The following FMN1 variants were observed in gnomAD, a reference collection of about 807,000 sequenced individuals.
FMN1 encodes formin 1, also known as formin-1.
A neutral mutation model predicts 132.4 loss-of-function variants in FMN1; 110 were observed. The ratio of observed to expected loss-of-function variants is 0.83; its 90% CI spans 0.71 to 0.97. The LOEUF is 0.97. FMN1 is among the 50% of genes least tolerant of loss of function. The pLI is 0.00. For missense variants in FMN1, 1,792 were observed against 1,705.3 expected, an observed-to-expected ratio of 1.05 and a Z score of -0.90; for synonymous variants, 722 against 651.7, an observed-to-expected ratio of 1.11 and a Z score of -1.64.
chr15:32,820,308 TAACA>T (rs765253754), intron 17 of FMN1, among the ~76,000 whole-genome samples: 59 of 152,170 alleles, frequency 3.9e-4, no homozygotes, highest in Non-Finnish European at 3.5e-4. Flanking sequence ...AACTTTGCGT[TAACA>T]GACAGGCCAC....
chr15:33,056,321 A>T (rs1289400596), intron 6 of FMN1, among the ~76,000 whole-genome samples: 1 of 152,256 alleles, frequency 6.6e-6, no homozygotes, highest in Non-Finnish European at 1.5e-5. Context: ...TTAATTGAGC[A>T]AAGGACAATT....
intron 6 of FMN1, among the ~76,000 whole-genome samples, chr15:33,019,726 T>A (rs533890900): frequency 6.6e-6 from 1 of 152,212 alleles, no homozygotes; most frequent in South Asian, 2.1e-4. Context: ...GCCTGAGTGC[T>A]AAGCCCCTCA....
intron 9 of FMN1, among the ~76,000 whole-genome samples, chr15:32,942,737 T>A (rs2061426694): frequency 1.3e-5 from 2 of 152,226 alleles, no homozygotes; most frequent in Non-Finnish European, 2.9e-5. Context: ...TCACAGGGTT[T>A]CCATCTCCAG....
intron 4 of FMN1, among the ~76,000 whole-genome samples, chr15:33,105,586 T>G (rs189208535): frequency 6.6e-6 from 1 of 152,166 alleles, no homozygotes; most frequent in Non-Finnish European, 1.5e-5. Context: ...GTTTACAGAC[T>G]ATATGGCTTT....
chr15:32,843,024 G>A (rs1392506944), intron 17 of FMN1, among the ~76,000 whole-genome samples: 2 of 152,048 alleles, frequency 1.3e-5, no homozygotes, highest in Non-Finnish European at 2.9e-5. Context: ...CTACTTGGGA[G>A]GCTGAGCCAG....
chr15:32,973,470 T>G (rs928279275), intron 7 of FMN1, among the ~76,000 whole-genome samples: 1 of 152,066 alleles, frequency 6.6e-6, no homozygotes. Flanking sequence ...AATGACCAAA[T>G]AAGAAGGAAA....
chr15:32,912,486 A>C (rs1338637401), intron 10 of FMN1, among the ~76,000 whole-genome samples: 1 of 152,216 alleles, frequency 6.6e-6, no homozygotes, highest in East Asian at 1.9e-4. Flanking sequence ...AATCTCATGA[A>C]ATTTATATCC....
intron 4 of FMN1, chr15:33,106,311 C>G (rs1246099229): frequency 6.6e-6 from 1 of 151,658 alleles, no homozygotes; most frequent in African/African-American, 2.4e-5. Context: ...CACACACACA[C>G]AGACACAAAA....
At chr15:32,847,557 A>C (rs1440359078) in intron 17 of FMN1, among the ~76,000 whole-genome samples, 1 of 151,138 alleles carries the variant, frequency 6.6e-6, no homozygotes, top group Non-Finnish European at 1.5e-5. Context: ...AAACTCTTTA[A>C]AAAACTAAGA....
rs2056054571 is a variant in FMN1, at chr15:32,766,540, C to CA, written c.*7769dup. The CA allele has an allele frequency of 9.5e-6, 1 of 105,030 alleles. No individual in the cohort carries two copies. The highest frequency in any genetic ancestry group is 2.0e-5 in the Non-Finnish European group (1 of 49,466). The allele number at this position is 105,030 out of a possible 1,614,324, so 6.5% of individuals were successfully genotyped here. On this transcript the variant is annotated 3_prime_UTR_variant, in exon 21 of 21. Coordinates refer to ENST00000616417, the MANE Select transcript of FMN1 (RefSeq NM_001277313.2). ...AGGCCTAGAATAAGAACCCCCCCCC[C>CA]ACCCCGCCCAATCTTCTTAAAATAA...
chr15:32,903,446 G>C (rs1278597490), intron 12 of FMN1, among the ~76,000 whole-genome samples: 1 of 152,164 alleles, frequency 6.6e-6, no homozygotes, highest in Non-Finnish European at 1.5e-5. Flanking sequence ...TCACAAGACT[G>C]ACAGCATTTG....
chr15:32,766,798 T>C lies in FMN1; in HGVS notation c.*7512A>G, dbSNP rs1450464440. ...TCTATGATGCAGAGGTGTGAAAAAA[T>C]CTGGGTCTGGGGGAAACTGTAAAGT... is the stretch of plus-strand genomic sequence containing the variant. On this transcript the variant is annotated 3_prime_UTR_variant, in exon 21 of 21. Coordinates refer to ENST00000616417, the MANE Select transcript of FMN1 (RefSeq NM_001277313.2). 6.6e-6 allele frequency: 1 copy of C among 151,728 alleles called. No homozygotes were observed. The highest frequency in any genetic ancestry group is 1.5e-5 in the Non-Finnish European group (1 of 67,998). The allele number at this position is 151,728 out of a possible 1,614,324, so 9.4% of individuals were successfully genotyped here.
At chr15:32,909,318 C>T (rs2060502070) in intron 11 of FMN1, among the ~76,000 whole-genome samples, 1 of 152,226 alleles carries the variant, frequency 6.6e-6, no homozygotes, top group South Asian at 2.1e-4. Context: ...CTCCCTCTTT[C>T]TGCCTCTATA....
Position 33,191,125 on chromosome 15 carries a change from G to A in FMN1, c.-197+2784C>T, listed in dbSNP as rs185808551. Among the ~76,000 whole-genome samples, 162 of 150,786 alleles carry A rather than the reference G, an allele frequency of 1.1e-3. 2 individuals are homozygous for A. Among genetic ancestry groups the A allele is most frequent in the African/African-American group, 3.6e-3 (149 of 41,050 alleles). ...GCGGAGCTTGCAGTGTGTTGAGACC[G>A]TGCCACTGCACTCCAGCCTGGGCAA... On this transcript the variant is annotated intron_variant, in intron 2 of 20. Transcript: ENST00000616417.
chr15:33,072,524 T>G (rs1305257697), intron 5 of FMN1, among the ~76,000 whole-genome samples: 1 of 152,204 alleles, frequency 6.6e-6, no homozygotes, highest in Non-Finnish European at 1.5e-5. Flanking sequence ...AGCATAGTAT[T>G]TGTGGAGAAT....
chr15:33,013,694 C>T (rs893928341), intron 6 of FMN1, among the ~76,000 whole-genome samples: 10 of 152,078 alleles, frequency 6.6e-5, no homozygotes, highest in African/African-American at 2.4e-4. Flanking sequence ...AAATAAGAAG[C>T]AGAAAGTGAC....
At chr15:33,029,971 C>G (rs566380045) in intron 6 of FMN1, among the ~76,000 whole-genome samples, 1 of 152,282 alleles carries the variant, frequency 6.6e-6, no homozygotes, top group South Asian at 2.1e-4. Flanking sequence ...TCCTGGCTAA[C>G]AGGGTGAAAC....
At chr15:33,054,525 TAAC>T (rs1265387129) in intron 6 of FMN1, among the ~76,000 whole-genome samples, 1 of 152,218 alleles carries the variant, frequency 6.6e-6, no homozygotes, top group African/African-American at 2.4e-5. Context: ...GGCATGATCT[TAAC>T]AATGTTGCAT....
intron 17 of FMN1, among the ~76,000 whole-genome samples, chr15:32,844,532 T>C (rs1187115133): frequency 6.6e-6 from 1 of 152,236 alleles, no homozygotes; most frequent in Non-Finnish European, 1.5e-5. Flanking sequence ...TTTAAACTTA[T>C]GCTAATTCTA....
Sources: allele counts gnomAD v4.1 joint callset (sites outside exome capture counted in the v4.1 genomes callset), GRCh38; gene constraint gnomAD v4.1.1; transcripts MANE v1.5; gene names NCBI Gene and HGNC (gene_info 2026-07-23, HGNC 2026-07-21).